Variants in KIR2DL3 observed in about 807,000 individuals in gnomAD.
The protein encoded by KIR2DL3 is killer cell immunoglobulin like receptor, two Ig domains and long cytoplasmic tail 3, also known as killer cell immunoglobulin-like receptor 2DL3.
Under a neutral mutation model 33.8 loss-of-function variants are expected in KIR2DL3, and 39 were observed. The observed-to-expected ratio is 1.15, with a 90% confidence interval of 0.89 to 1.51. The LOEUF (loss-of-function observed/expected upper bound fraction) is 1.51, where lower values mean the gene tolerates loss of function less well. Among genes scored for constraint, KIR2DL3 ranks in the 40% most tolerant of loss-of-function variants. The pLI is 0.00. For missense variants in KIR2DL3, 462 were observed against 426.2 expected (o/e 1.08, Z -0.74); for synonymous variants, 174 against 160.2 (o/e 1.09, Z -0.65).
rs201728036 is a variant in KIR2DL3 at position 54,739,561 on chromosome 19, C to T, written c.70+19C>T. The stretch of plus-strand genomic sequence containing the variant: ...CATGAGGGTGAGTCCTTCTCCAAAC[C>T]TTCGGGTGTCATCTCCCCACATAAG... On this transcript the variant is annotated intron_variant, in intron 2 of 7. Coordinates refer to ENST00000342376, the MANE Select transcript of KIR2DL3 (RefSeq NM_015868.3). The T allele has an allele frequency of 5.6e-6, 9 of 1,613,922 alleles. No homozygotes were observed. Among genetic ancestry groups the T allele is most frequent in the Non-Finnish European group, 1.7e-6 (2 of 1,179,934 alleles).
intron 2 of KIR2DL3, among the ~76,000 whole-genome samples, chr19:54,740,036 G>C (rs1354029441): frequency 2.0e-5 from 3 of 151,958 alleles, no homozygotes; most frequent in African/African-American, 7.3e-5. Context: ...TAATCTTACA[G>C]TATTAAAATC....
Position 54,752,462 on chromosome 19 carries a change from C to T in KIR2DL3, c.969C>T (p.Pro323=). 1 of 1,465,802 alleles carries T rather than the reference C, an allele frequency of 6.8e-7. No homozygotes were observed. 90.8% of individuals were successfully genotyped at this position (1,465,802 alleles called of 1,614,324 possible). Residue 323 remains proline, a synonymous_variant, in exon 8 of 8, where the codon CCC becomes CCT. Coordinates refer to ENST00000342376, the MANE Select transcript of KIR2DL3 (RefSeq NM_015868.3). ...QRKITRPSQR[P]KTPPTDIIVY... The stretch of plus-strand genomic sequence containing the variant: ...AAATCACTCGCCCTTCTCAGAGGCC[C>T]AAGACACCCCCAACAGATATCATCG...
intron 4 of KIR2DL3, among the ~76,000 whole-genome samples, chr19:54,745,695 T>C (rs2072366347): frequency 6.6e-6 from 1 of 151,674 alleles, no homozygotes; most frequent in African/African-American, 2.4e-5. Context: ...CTTCCACACT[T>C]TTCTCCGTAA....
intron 4 of KIR2DL3, among the ~76,000 whole-genome samples, chr19:54,744,640 C>G (rs2071935249): frequency 6.6e-6 from 1 of 150,788 alleles, no homozygotes; most frequent in South Asian, 2.1e-4. Context: ...GATTCTCCTG[C>G]TTCAGCCACC....
intron 2 of KIR2DL3, among the ~76,000 whole-genome samples, chr19:54,740,153 C>T (rs1445508241): frequency 6.6e-6 from 1 of 152,090 alleles, no homozygotes; most frequent in Non-Finnish European, 1.5e-5. Flanking sequence ...CAGCCCTGGG[C>T]ACCAAGGTGT....
At chr19:54,743,411 A>T (rs2071568153) in intron 3 of KIR2DL3, among the ~76,000 whole-genome samples, 1 of 152,212 alleles carries the variant, frequency 6.6e-6, no homozygotes, top group Non-Finnish European at 1.5e-5. Context: ...CAGGTAGAGA[A>T]TTTGTAGATA....
intron 6 of KIR2DL3, 108 bp from the exon 7 acceptor site, chr19:54,752,108 G>A: frequency 8.1e-7 from 1 of 1,237,938 alleles, no homozygotes; most frequent in Non-Finnish European, 1.1e-6. Flanking sequence ...GTTGGCAACT[G>A]AGGGACCTCA....
chr19:54,750,073 A>C (rs1273863850), intron 5 of KIR2DL3, among the ~76,000 whole-genome samples: 1 of 132,840 alleles, frequency 7.5e-6, no homozygotes, highest in African/African-American at 2.9e-5. Flanking sequence ...TGTGAGAATG[A>C]GATCACATAG....
At chr19:54,750,098 C>T (rs1229008373) in intron 5 of KIR2DL3, among the ~76,000 whole-genome samples, 1 of 132,496 alleles carries the variant, frequency 7.5e-6, no homozygotes, top group Non-Finnish European at 1.6e-5. Flanking sequence ...TGTGAAAGCC[C>T]TCAGAATCCT....
At chr19:54,743,196 T>C (rs1395274110) in intron 3 of KIR2DL3, among the ~76,000 whole-genome samples, 33 of 152,008 alleles carry the variant, frequency 2.2e-4, no homozygotes, top group African/African-American at 7.5e-4. Context: ...TGATAGATAA[T>C]AGGTTAAAGA....
chr19:54,744,921 C>T (rs865978412), intron 4 of KIR2DL3, among the ~76,000 whole-genome samples: 679 of 24,890 alleles, frequency 0.027, 26 homozygotes, highest in Non-Finnish European at 0.044. Flanking sequence ...CATATATAAA[C>T]ATATATATAT....
At chr19:54,747,893 T>C (rs2072806682) in intron 5 of KIR2DL3, among the ~76,000 whole-genome samples, 1 of 152,218 alleles carries the variant, frequency 6.6e-6, no homozygotes, top group Non-Finnish European at 1.5e-5. Flanking sequence ...CACGGCCCCA[T>C]GCTCAGGCTG....
At chr19:54,748,236 C>T (rs1307314707) in intron 5 of KIR2DL3, among the ~76,000 whole-genome samples, 2 of 151,816 alleles carry the variant, frequency 1.3e-5, no homozygotes, top group Admixed American at 1.3e-4. Context: ...CTGAATGCTG[C>T]TCTCCCTTCT....
At position 54,752,263 on chromosome 19, in the gene KIR2DL3, A is replaced by G; in HGVS notation, c.868A>G (p.Arg290Gly). 1 of 1,483,882 alleles carries G rather than the reference A, an allele frequency of 6.7e-7. No homozygotes were observed. The highest frequency in any genetic ancestry group is 9.2e-7 in the Non-Finnish European group (1 of 1,086,644). 91.9% of individuals were successfully genotyped at this position (1,483,882 alleles called of 1,614,324 possible). A position where few individuals can be genotyped will look rare whatever the true frequency, so the allele number is the denominator to read the frequency against. Residue 290 changes from arginine (R) to glycine (G), a missense_variant, in exon 7 of 8, where the codon AGG becomes GGG. Transcript: ENST00000342376. ...QEPAGNRTVN[R>G]EDSDEQDPQE... The stretch of plus-strand genomic sequence containing the variant: ...GCCTGCAGGGAACAGAACAGTGAAC[A>G]GGGAGGTAGGTGCTCCTCGGCCCAG...
At chr19:54,739,667 C>G (rs2070634419) in intron 2 of KIR2DL3, 125 bp downstream of exon 2, 8 of 1,520,870 alleles carry the variant, frequency 5.3e-6, no homozygotes, top group Non-Finnish European at 7.2e-6. Flanking sequence ...GGTGCTCAGC[C>G]CACATTTCTG....
chr19:54,741,551 A>G (rs1397557746), intron 2 of KIR2DL3, among the ~76,000 whole-genome samples: 1 of 151,962 alleles, frequency 6.6e-6, no homozygotes, highest in Non-Finnish European at 1.5e-5. Flanking sequence ...CCCACCAGGA[A>G]CAGGGTGTGT....
intron 5 of KIR2DL3, among the ~76,000 whole-genome samples, chr19:54,749,549 G>C (rs1190297794): frequency 1.9e-5 from 2 of 108,060 alleles, no homozygotes; most frequent in African/African-American, 6.6e-5. Flanking sequence ...ATCAATACCT[G>C]GCAAAGGAGT....
rs770655346 is a variant in KIR2DL3 at position 54,744,234 on chromosome 19, A to C, written c.664+146A>C. The stretch of plus-strand genomic sequence containing the variant: ...GGGAGGGATCAGGGCACAGGATGGC[A>C]GACAGGGCACCTCCAAACCCTCCTA... On this transcript the variant is annotated intron_variant, in intron 4 of 7. Transcript: ENST00000342376. The C allele has an allele frequency of 1.7e-4, 216 of 1,298,638 alleles. 1 individual carries two copies. Among genetic ancestry groups the C allele is most frequent in the African/African-American group, 2.5e-4 (17 of 67,078 alleles). The allele number at this position is 1,298,638 out of a possible 1,614,324, so 80.4% of individuals were successfully genotyped here. A position where few individuals can be genotyped will look rare whatever the true frequency, so the allele number is the denominator to read the frequency against.
At chr19:54,738,997 A>T (rs1439871986) in intron 1 of KIR2DL3, among the ~76,000 whole-genome samples, 2 of 108,978 alleles carry the variant, frequency 1.8e-5, no homozygotes, top group Non-Finnish European at 3.6e-5. Context: ...AGGTGGAGAT[A>T]CGGGCCTGCA....
Sources: gnomAD v4.1 joint callset for allele counts (sites outside exome capture counted in the v4.1 genomes callset) on GRCh38, gnomAD v4.1.1 for gene constraint, MANE v1.5 for transcripts, NCBI Gene and HGNC (gene_info 2026-07-23, HGNC 2026-07-21) for gene names.